LRRC4C: variants seen among roughly 807,000 people sequenced by gnomAD.
The protein encoded by LRRC4C is leucine rich repeat containing 4C.
Under a neutral mutation model 33.6 loss-of-function variants are expected in LRRC4C, and 5 were observed. The ratio of observed to expected loss-of-function variants is 0.15; its 90% CI spans 0.08 to 0.31. The LOEUF (loss-of-function observed/expected upper bound fraction) is 0.31, where lower values mean the gene tolerates loss of function less well. LRRC4C is among the 10% of genes least tolerant of loss of function. The pLI, the probability that LRRC4C is intolerant of heterozygous loss-of-function variation, is 1.00. For synonymous variants in LRRC4C, 329 were observed against 302.0 expected, an observed-to-expected ratio of 1.09 and a Z score of -0.93; for missense variants, 560 against 796.7, an observed-to-expected ratio of 0.70 and a Z score of 3.58.
At chr11:40,336,951 TG>T (rs139278657) in intron 3 of LRRC4C, among the ~76,000 whole-genome samples, 1 of 122,154 alleles carries the variant, frequency 8.2e-6, no homozygotes, top group Non-Finnish European at 1.6e-5. Context: ...CACTCCAGCC[TG>T]GGGGACAGAG....
chr11:40,659,307 G>T (rs1163264229), intron 2 of LRRC4C, among the ~76,000 whole-genome samples: 1 of 152,212 alleles, frequency 6.6e-6, no homozygotes, highest in African/African-American at 2.4e-5. Context: ...CTGGGTGGTG[G>T]CAGGAACAGC....
chr11:40,362,862 A>G (rs1172968825), intron 3 of LRRC4C, among the ~76,000 whole-genome samples: 4 of 152,228 alleles, frequency 2.6e-5, no homozygotes, highest in African/African-American at 9.6e-5. Flanking sequence ...AATCACCATG[A>G]GATACCATCT....
chr11:40,579,008 G>GAT (rs1958342686), intron 3 of LRRC4C, among the ~76,000 whole-genome samples: 1 of 152,162 alleles, frequency 6.6e-6, no homozygotes, highest in African/African-American at 2.4e-5. Context: ...GGGATTCACT[G>GAT]ACTTTGTTAA....
At chr11:40,578,192 C>G (rs1298820600) in intron 3 of LRRC4C, among the ~76,000 whole-genome samples, 1 of 65,844 alleles carries the variant, frequency 1.5e-5, no homozygotes, top group Non-Finnish European at 2.7e-5. Context: ...AAGGATTTGG[C>G]TTTCTGAAAT....
chr11:41,308,960 A>T (rs12224677), intron 1 of LRRC4C, among the ~76,000 whole-genome samples: 2 of 151,976 alleles, frequency 1.3e-5, no homozygotes, highest in African/African-American at 4.8e-5. Context: ...ATGCGTCAAC[A>T]CGCCCGGCTA....
chr11:40,889,753 C>A (rs893537625), intron 2 of LRRC4C, among the ~76,000 whole-genome samples: 2 of 151,978 alleles, frequency 1.3e-5, no homozygotes, highest in African/African-American at 4.8e-5. Flanking sequence ...GACTTGATAT[C>A]GTCACATTCT....
intron 1 of LRRC4C, among the ~76,000 whole-genome samples, chr11:41,407,206 G>C (rs1166681653): frequency 6.6e-6 from 1 of 151,986 alleles, no homozygotes; most frequent in Non-Finnish European, 1.5e-5. Flanking sequence ...CTGAAGCTCA[G>C]AGAATACTAG....
chr11:41,313,506 G>T (rs757632612), intron 1 of LRRC4C, among the ~76,000 whole-genome samples: 36 of 152,146 alleles, frequency 2.4e-4, no homozygotes, highest in Admixed American at 2.6e-4. Flanking sequence ...TCAGGACTCT[G>T]CCAGAAAGAA....
intron 1 of LRRC4C, among the ~76,000 whole-genome samples, chr11:41,281,104 T>TCACACA (rs1188271498): frequency 8.6e-4 from 88 of 102,568 alleles, no homozygotes; most frequent in South Asian, 3.0e-3. Context: ...TCTCTCTCTC[T>TCACACA]CACACACACA....
Position 40,115,013 on chromosome 11 carries a change from A to C in LRRC4C, c.1280T>G (p.Met427Arg). The C allele has an allele frequency of 6.2e-7, 1 of 1,614,246 alleles. No individual in the cohort carries two copies. The highest frequency in any genetic ancestry group is 8.5e-7 in the Non-Finnish European group (1 of 1,180,046). ...AGTATTCCCAACGGAATTACTCACCATACATGTGTACATGCCTGTATCTTG... is the reference window on the plus strand; with the variant it reads ...AGTATTCCCAACGGAATTACTCACCCTACATGTGTACATGCCTGTATCTTG... Reference protein sequence around the residue: ...TVQDTGMYTCMVSNSVGNTTA... With the variant: ...TVQDTGMYTCRVSNSVGNTTA... The change falls in exon 7 of 7, where the codon ATG becomes AGG. Residue 427 changes from methionine to arginine, a missense_variant. Met to Arg is a moderately conservative substitution (Grantham distance 91, BLOSUM62 -1). Transcript: ENST00000528697. The surrounding 1 kb of genome is among the most constrained non-coding windows in gnomAD (Gnocchi z 6.7).
intron 2 of LRRC4C, among the ~76,000 whole-genome samples, chr11:40,809,734 G>A (rs1951406357): frequency 6.6e-6 from 1 of 152,126 alleles, no homozygotes; most frequent in Non-Finnish European, 1.5e-5. Context: ...TTAATTTATT[G>A]TCTCTATATT....
chr11:40,563,011 T>TTCTCC (rs1201747922), intron 3 of LRRC4C, among the ~76,000 whole-genome samples: 1 of 152,028 alleles, frequency 6.6e-6, no homozygotes, highest in South Asian at 2.1e-4. Context: ...CTTCTCTTCC[T>TTCTCC]TCTCCTCTCC....
intron 1 of LRRC4C, among the ~76,000 whole-genome samples, chr11:41,212,938 G>A (rs530007299): frequency 6.6e-6 from 1 of 152,254 alleles, no homozygotes; most frequent in Non-Finnish European, 1.5e-5. Context: ...GCTTTAAAAA[G>A]TTGTTACACT....
intron 1 of LRRC4C, among the ~76,000 whole-genome samples, chr11:41,360,653 T>C (rs977812817): frequency 6.6e-6 from 1 of 152,114 alleles, no homozygotes; most frequent in Non-Finnish European, 1.5e-5. Context: ...CAGGGTAGAA[T>C]ATTCCCCCAG....
intron 3 of LRRC4C, among the ~76,000 whole-genome samples, chr11:40,634,569 A>G (rs1963786793): frequency 6.6e-6 from 1 of 152,160 alleles, no homozygotes. Context: ...GACATAATTT[A>G]CTTTAAAAAT....
At chr11:41,220,105 TA>T (rs1947236529) in intron 1 of LRRC4C, among the ~76,000 whole-genome samples, 3 of 152,176 alleles carry the variant, frequency 2.0e-5, no homozygotes, top group Admixed American at 2.0e-4. Flanking sequence ...CTGACTTGTA[TA>T]AATTGCCTGA....
At chr11:41,151,263 T>C (rs557168311) in intron 1 of LRRC4C, among the ~76,000 whole-genome samples, 13 of 152,274 alleles carry the variant, frequency 8.5e-5, no homozygotes, top group African/African-American at 3.1e-4. Context: ...CAAACAACAT[T>C]GTCAGCTAAA....
At chr11:41,111,593 G>A (rs1941834706) in intron 1 of LRRC4C, among the ~76,000 whole-genome samples, 1 of 152,072 alleles carries the variant, frequency 6.6e-6, no homozygotes, top group South Asian at 2.1e-4. Flanking sequence ...TAGTTAAAAT[G>A]GAGGCAAAGA....
chr11:40,413,295 A>G (rs534741442), intron 3 of LRRC4C, among the ~76,000 whole-genome samples: 6 of 152,034 alleles, frequency 3.9e-5, no homozygotes, highest in Non-Finnish European at 7.4e-5. Context: ...AGGCAATCAA[A>G]GGAAAGAGGA....
Sources: gnomAD v4.1 joint callset for allele counts (sites outside exome capture counted in the v4.1 genomes callset) on GRCh38, gnomAD v4.1.1 for gene constraint, Gnocchi (gnomAD v3.1) non-coding constraint, MANE v1.5 for transcripts, NCBI Gene and HGNC (gene_info 2026-07-23, HGNC 2026-07-21) for gene names.